Variants in PTPRN2 observed in about 807,000 individuals in gnomAD.
The protein encoded by PTPRN2 is receptor-type tyrosine-protein phosphatase N2.
In PTPRN2, 74 loss-of-function variants were observed where a neutral mutation model predicts 118.8. The observed-to-expected ratio is 0.62, with a 90% CI of 0.52 to 0.76. PTPRN2 has a LOEUF of 0.76. Ranked by LOEUF, PTPRN2 falls within the 30% of genes least tolerant of loss-of-function variation. PTPRN2 has a pLI of 0.00. For missense variants in PTPRN2, 1,481 were observed against 1,394.4 expected (o/e 1.06, Z -0.99); for synonymous variants, 641 against 608.0 (o/e 1.05, Z -0.80).
chr7:157,589,483 C>T (rs761857362), intron 17 of PTPRN2, among the ~76,000 whole-genome samples: 2 of 152,168 alleles, frequency 1.3e-5, no homozygotes, highest in African/African-American at 4.8e-5. Context: ...GGCTATCTGA[C>T]AGGTACCCAA....
chr7:157,965,395 A>G (rs1291738914), intron 11 of PTPRN2, among the ~76,000 whole-genome samples: 1 of 152,182 alleles, frequency 6.6e-6, no homozygotes, highest in Non-Finnish European at 1.5e-5. Flanking sequence ...GACAGACGAC[A>G]GCACCGCAAG....
intron 3 of PTPRN2, among the ~76,000 whole-genome samples, chr7:158,313,929 C>A (rs761829799): frequency 1.2e-4 from 18 of 152,102 alleles, no homozygotes; most frequent in Non-Finnish European, 2.6e-4. Flanking sequence ...CCTTAAATTT[C>A]TTGGTTTTTT....
At position 157,865,155 on chromosome 7, in the gene PTPRN2, G is replaced by C. The variant is rs556098818; in HGVS notation, c.1788+33518C>G. On this transcript the variant is annotated intron_variant, in intron 12 of 22. Coordinates refer to ENST00000389418, the MANE Select transcript of PTPRN2 (RefSeq NM_002847.5). ...CTGGCCCACGCAGGCTCCTTCCCAA[G>C]TGCTGCTGCCGGGAAATGGAGGTCC... 5.9e-5 allele frequency: 9 copies of C among 152,492 alleles called. No homozygotes were observed. In the East Asian group the frequency reaches 1.2e-3, roughly 20 times the overall value. The allele number at this position is 152,492 out of a possible 1,614,324, so 9.4% of individuals were successfully genotyped here. A position where few individuals can be genotyped will look rare whatever the true frequency, so the allele number is the denominator to read the frequency against.
At chr7:158,198,182 G>A (rs921816000) in intron 4 of PTPRN2, among the ~76,000 whole-genome samples, 4 of 152,164 alleles carry the variant, frequency 2.6e-5, no homozygotes, top group East Asian at 1.9e-4. Flanking sequence ...TTAAATTGTC[G>A]TATTCATCTT....
intron 6 of PTPRN2, among the ~76,000 whole-genome samples, chr7:158,159,999 G>T (rs73173643): frequency 0.099 from 15,019 of 152,154 alleles, 777 homozygotes; most frequent in African/African-American, 0.12. Flanking sequence ...GTCTAGTGTT[G>T]CTAATGTTTA....
intron 13 of PTPRN2, among the ~76,000 whole-genome samples, chr7:157,670,123 C>T (rs1796336637): frequency 6.6e-6 from 1 of 152,184 alleles, no homozygotes; most frequent in African/African-American, 2.4e-5. Context: ...ATCGAGCCCC[C>T]GCCGGCCGAC....
chr7:158,570,065 G>A lies in PTPRN2; in HGVS notation c.112+17493C>T, dbSNP rs1827918141. ...GTTCCCTCAGGCGCGTCCTCCACCC[G>A]TTTCCCCCAGGCAGGGGGAAGCCCC... is the stretch of plus-strand genomic sequence containing the variant. On this transcript the variant is annotated intron_variant, in intron 1 of 22. Transcript: ENST00000389418. This position sits in a 1 kb window ranked among gnomAD's most constrained non-coding sequence, Gnocchi z 4.5. Among the ~76,000 whole-genome samples, 1 of 152,138 alleles carries A rather than the reference G, an allele frequency of 6.6e-6. No individual in the cohort carries two copies.
At position 157,636,873 on chromosome 7, in the gene PTPRN2, A is replaced by G. The variant is rs1490267527; in HGVS notation, c.2197-15364T>C. ...ATTCCATTTGGATAATCAAAGTTTA[A>G]CTATAGATAGTTTAACACAGAAACC... On this transcript the variant is annotated intron_variant, in intron 14 of 22. Transcript: ENST00000389418. Among the ~76,000 whole-genome samples, 8 of 152,372 alleles carry G rather than the reference A, an allele frequency of 5.3e-5. No homozygotes were observed. In the South Asian group the frequency reaches 1.7e-3, roughly 32 times the overall value.
chr7:158,240,372 C>G (rs1486061118), intron 3 of PTPRN2, among the ~76,000 whole-genome samples: 1 of 152,184 alleles, frequency 6.6e-6, no homozygotes, highest in South Asian at 2.1e-4. Context: ...GTCCAGACCT[C>G]GAATACGACC....
chr7:158,056,194 T>C (rs888603259), intron 11 of PTPRN2, among the ~76,000 whole-genome samples: 3 of 152,208 alleles, frequency 2.0e-5, no homozygotes, highest in African/African-American at 7.2e-5. Context: ...TAATCTCGCC[T>C]GAAAGGTCAC....
intron 10 of PTPRN2, among the ~76,000 whole-genome samples, chr7:158,104,520 G>A (rs1394370769): frequency 2.6e-5 from 4 of 152,138 alleles, no homozygotes; most frequent in African/African-American, 9.7e-5. Flanking sequence ...CAGGGACAGA[G>A]AGGAGAACAG....
At chr7:157,851,898 C>T (rs1009086417) in intron 12 of PTPRN2, among the ~76,000 whole-genome samples, 5 of 152,260 alleles carry the variant, frequency 3.3e-5, no homozygotes, top group African/African-American at 1.2e-4. Flanking sequence ...ACAGCCTCTT[C>T]CGGGCCCAGC....
At chr7:158,075,446 G>A (rs1053930228) in intron 11 of PTPRN2, among the ~76,000 whole-genome samples, 7 of 152,100 alleles carry the variant, frequency 4.6e-5, no homozygotes, top group East Asian at 1.9e-4. Flanking sequence ...TCCAGCCCAC[G>A]TGGCCCTGGA....
At chr7:158,157,935 G>A (rs1233555008) in intron 6 of PTPRN2, among the ~76,000 whole-genome samples, 1 of 152,182 alleles carries the variant, frequency 6.6e-6, no homozygotes, top group Non-Finnish European at 1.5e-5. Context: ...TGCTTTAGAG[G>A]GTGCTCGTGA....
intron 10 of PTPRN2, among the ~76,000 whole-genome samples, chr7:158,094,177 TG>T (rs1814432819): frequency 6.6e-6 from 1 of 152,216 alleles, no homozygotes; most frequent in South Asian, 2.1e-4. Context: ...TTACACCTGC[TG>T]GGTGGCATGA....
At chr7:158,061,940 T>A (rs1585306091) in intron 11 of PTPRN2, among the ~76,000 whole-genome samples, 1 of 152,378 alleles carries the variant, frequency 6.6e-6, no homozygotes, top group Middle Eastern at 3.4e-3. Context: ...TGACAGTTTT[T>A]CCCCAACCAG....
At chr7:158,166,457 C>CT (rs56830561) in intron 6 of PTPRN2, among the ~76,000 whole-genome samples, 2 of 33,744 alleles carry the variant, frequency 5.9e-5, no homozygotes, top group Admixed American at 4.8e-4. Flanking sequence ...GGATCACCTC[C>CT]CCTCCCACTG....
intron 12 of PTPRN2, among the ~76,000 whole-genome samples, chr7:157,757,896 G>A (rs1801892521): frequency 6.6e-6 from 1 of 152,182 alleles, no homozygotes; most frequent in African/African-American, 2.4e-5. Flanking sequence ...CCGAGACACC[G>A]CGCACAAGAA....
chr7:157,851,174 G>A (rs780620911), intron 12 of PTPRN2, among the ~76,000 whole-genome samples: 1 of 152,224 alleles, frequency 6.6e-6, no homozygotes, highest in South Asian at 2.1e-4. Context: ...GTTCTCTAAC[G>A]AGGGTGCATT....
Sources: allele counts gnomAD v4.1 joint callset (sites outside exome capture counted in the v4.1 genomes callset), GRCh38; gene constraint gnomAD v4.1.1; non-coding constraint Gnocchi (gnomAD v3.1); transcripts MANE v1.5; gene names NCBI Gene and HGNC (gene_info 2026-07-23, HGNC 2026-07-21).